The following CFAP54 variants were observed in gnomAD, a reference collection of about 807,000 sequenced individuals.
CFAP54 encodes cilia and flagella associated protein 54.
Under a neutral mutation model 370.4 loss-of-function variants are expected in CFAP54, and 290 were observed. The observed-to-expected ratio is 0.78, with a 90% confidence interval of 0.71 to 0.86. The LOEUF (loss-of-function observed/expected upper bound fraction) is 0.86, where lower values mean the gene tolerates loss of function less well. Among genes scored for constraint, CFAP54 ranks in the 40% least tolerant of loss-of-function variants. The probability of loss-of-function intolerance (pLI) is 0.00; values close to 1 mark genes in which losing one functional copy is unlikely to be tolerated. For synonymous variants in CFAP54, 1,206 were observed against 1,236.5 expected (o/e 0.98, Z 0.52); for missense variants, 3,399 against 3,528.7 (o/e 0.96, Z 0.93).
chr12:96,698,952 C>T (rs1045711102), intron 45 of CFAP54, among the ~76,000 whole-genome samples: 1 of 152,134 alleles, frequency 6.6e-6, no homozygotes, highest in African/African-American at 2.4e-5. Context: ...CAAATATTCC[C>T]TGGAATCTTC....
chr12:96,847,047 C>T (rs1959377371), intron 66 of CFAP54, among the ~76,000 whole-genome samples: 1 of 152,108 alleles, frequency 6.6e-6, no homozygotes, highest in East Asian at 1.9e-4. Flanking sequence ...CACACTTCTG[C>T]CCAACTAGAT....
chr12:96,540,259 C>CGCTG (rs1451716750), intron 13 of CFAP54: 1 of 152,122 alleles, frequency 6.6e-6, no homozygotes, highest in East Asian at 1.9e-4. Flanking sequence ...TGCGCCAATA[C>CGCTG]GCTGGCTATT....
At chr12:96,551,441 G>A (rs1955692709) in intron 15 of CFAP54, among the ~76,000 whole-genome samples, 1 of 151,242 alleles carries the variant, frequency 6.6e-6, no homozygotes, top group Admixed American at 6.6e-5. Context: ...TACACTACTT[G>A]GGTTACTTAA....
At chr12:96,743,369 T>A in intron 52 of CFAP54, 33 bp from the exon 53 acceptor site, 1 of 1,606,146 alleles carries the variant, frequency 6.2e-7, no homozygotes, top group Non-Finnish European at 8.5e-7. Context: ...ACTTTCTCAA[T>A]GCATTTTAAA....
intron 63 of CFAP54, among the ~76,000 whole-genome samples, chr12:96,803,545 T>A (rs1958845741): frequency 6.6e-6 from 1 of 152,082 alleles, no homozygotes; most frequent in Admixed American, 6.6e-5. Context: ...TTAGTTTGTG[T>A]CCAGATCTGC....
At chr12:96,726,909 A>C (rs1489827689) in intron 50 of CFAP54, among the ~76,000 whole-genome samples, 1 of 151,972 alleles carries the variant, frequency 6.6e-6, no homozygotes, top group African/African-American at 2.4e-5. Flanking sequence ...GAACATCTTT[A>C]TTTCTGCCTT....
At chr12:96,717,888 C>G (rs1187373635) in intron 48 of CFAP54, among the ~76,000 whole-genome samples, 4 of 152,174 alleles carry the variant, frequency 2.6e-5, no homozygotes, top group Admixed American at 6.5e-5. Context: ...AAAATTCTTT[C>G]AGAATTGTCT....
At chr12:96,762,069 T>C (rs1178848549) in intron 58 of CFAP54, among the ~76,000 whole-genome samples, 1 of 152,242 alleles carries the variant, frequency 6.6e-6, no homozygotes. Context: ...AGTCCCCTAA[T>C]TAATGAATAT....
In CFAP54 at chr12:96,503,068, C is replaced by T. The variant is rs549585857; in HGVS notation, c.424-818C>T. 6.9e-3 allele frequency among the ~76,000 whole-genome samples: 800 copies of T among 115,700 alleles called. 12 individuals carry two copies. The highest frequency in any genetic ancestry group is 0.026 in the African/African-American group (742 of 29,048). The allele number at this position is 115,700 out of a possible 152,430, so 75.9% of individuals were successfully genotyped here. On this transcript the variant is annotated intron_variant, in intron 2 of 67. Coordinates refer to ENST00000524981, the MANE Select transcript of CFAP54 (RefSeq NM_001306084.2). ...TCTCCCTCCCTTCCTTTCTCTCTCT[C>T]TCTTTCTTTCTTTCTCTTTCTTTCT...
At chr12:96,720,058 C>A (rs1458785905) in intron 49 of CFAP54, among the ~76,000 whole-genome samples, 1 of 152,216 alleles carries the variant, frequency 6.6e-6, no homozygotes, top group African/African-American at 2.4e-5. Context: ...CAGAGGCTCT[C>A]GGGTACTTTT....
chr12:96,600,620 C>T (rs1248883959), intron 26 of CFAP54, among the ~76,000 whole-genome samples: 8 of 152,158 alleles, frequency 5.3e-5, no homozygotes. Flanking sequence ...TATCCATGAG[C>T]ATGGAATGTT....
intron 19 of CFAP54, chr12:96,572,987 A>C (rs1180262343): frequency 3.0e-6 from 3 of 985,328 alleles, no homozygotes; most frequent in Non-Finnish European, 3.6e-6. Flanking sequence ...ATCAGGAACT[A>C]CCAAGGCAAA....
chr12:96,560,705 T>C (rs928517818), intron 17 of CFAP54, among the ~76,000 whole-genome samples: 3 of 152,188 alleles, frequency 2.0e-5, no homozygotes, highest in Non-Finnish European at 4.4e-5. Flanking sequence ...GCAATCGTTT[T>C]ATTAAGCTGA....
At chr12:96,556,755 A>G (rs950709486) in intron 17 of CFAP54, among the ~76,000 whole-genome samples, 1 of 152,212 alleles carries the variant, frequency 6.6e-6, no homozygotes, top group Non-Finnish European at 1.5e-5. Flanking sequence ...CTTTGCAGGA[A>G]CATGGATGGA....
intron 26 of CFAP54, among the ~76,000 whole-genome samples, chr12:96,614,869 A>G (rs1380744683): frequency 6.6e-6 from 1 of 152,248 alleles, no homozygotes; most frequent in African/African-American, 2.4e-5. Flanking sequence ...GAGGACACAA[A>G]CAAATGGAAG....
chr12:96,807,088 G>A (rs1958889824), intron 63 of CFAP54, among the ~76,000 whole-genome samples: 1 of 152,146 alleles, frequency 6.6e-6, no homozygotes, highest in Non-Finnish European at 1.5e-5. Context: ...CATATAGTAG[G>A]TTCCATTGGA....
intron 35 of CFAP54, 134 bp downstream of exon 35, chr12:96,650,206 G>A (rs1956843609): frequency 3.9e-6 from 3 of 766,734 alleles, no homozygotes; most frequent in South Asian, 4.0e-5. Context: ...CATCTTGCTG[G>A]GTGTATCCTA....
intron 32 of CFAP54, among the ~76,000 whole-genome samples, chr12:96,643,734 TCC>T (rs1398344287): frequency 1.3e-5 from 2 of 152,202 alleles, no homozygotes; most frequent in Non-Finnish European, 2.9e-5. Flanking sequence ...ATGTTTTATT[TCC>T]TCTAGAGTCT....
chr12:96,756,293 G>A (rs1958256290), intron 56 of CFAP54, among the ~76,000 whole-genome samples, 165 bp from the exon 57 acceptor site: 1 of 152,202 alleles, frequency 6.6e-6, no homozygotes, highest in Non-Finnish European at 1.5e-5. Flanking sequence ...TCTGAAGAAG[G>A]AGGCAATGGA....
Sources: gnomAD v4.1 joint callset for allele counts (sites outside exome capture counted in the v4.1 genomes callset) on GRCh38, gnomAD v4.1.1 for gene constraint, MANE v1.5 for transcripts, NCBI Gene and HGNC (gene_info 2026-07-23, HGNC 2026-07-21) for gene names.